Variants in CDON observed in about 807,000 individuals in gnomAD.
CDON encodes the protein cell adhesion molecule-related/down-regulated by oncogenes.
Under a neutral mutation model 120.9 loss-of-function variants are expected in CDON, and 73 were observed. That is an observed-to-expected ratio of 0.60 (90% CI 0.50 to 0.73). The LOEUF is 0.73. Among genes scored for constraint, CDON ranks in the 30% least tolerant of loss-of-function variants. The pLI is 0.00. For synonymous variants in CDON, 566 were observed against 573.5 expected (o/e 0.99, Z 0.19); for missense variants, 1,470 against 1,587.3 (o/e 0.93, Z 1.26).
intron 18 of CDON, among the ~76,000 whole-genome samples, chr11:125,967,061 C>T (rs1002122095): frequency 1.3e-5 from 2 of 148,998 alleles, no homozygotes; most frequent in South Asian, 2.1e-4. Flanking sequence ...GAATGAGTAG[C>T]AACAAAAAAA....
At chr11:125,973,187 T>C (rs1946054807) in intron 18 of CDON, among the ~76,000 whole-genome samples, 1 of 152,084 alleles carries the variant, frequency 6.6e-6, no homozygotes, top group South Asian at 2.1e-4. Flanking sequence ...CCAGGTATCC[T>C]CTCCTGCCCC....
At position 126,018,330 on chromosome 11, in the gene CDON, G is replaced by A. The variant is rs761798261; in HGVS notation, c.640C>T (p.Arg214Cys). 3.1e-5 allele frequency: 50 copies of A among 1,613,100 alleles called. No individual in the cohort carries two copies. The highest frequency in any genetic ancestry group is 5.3e-5 in the African/African-American group (4 of 74,874). Reference sequence around the variant, plus strand: ...TACCATTATTCTCCCAAATACTTACGACTCACAAGGAGCTTTCGGCCAATA... The same window carrying A: ...TACCATTATTCTCCCAAATACTTACAACTCACAAGGAGCTTTCGGCCAATA... Reference protein sequence around the residue: ...EPIGRKLLVSRPSSDDVHILH... With the variant: ...EPIGRKLLVSCPSSDDVHILH... Residue 214 changes from arginine (R) to cysteine (C), a missense_variant and splice_region_variant, in exon 5 of 20, where the codon CGT (arginine) becomes TGT (cysteine). Physicochemically the swap from Arg to Cys is radical, Grantham distance 180. Coordinates refer to ENST00000531738, the MANE Select transcript of CDON (RefSeq NM_001378964.1).
chr11:126,053,213 C>T (rs548133863), intron 1 of CDON, among the ~76,000 whole-genome samples: 4 of 152,242 alleles, frequency 2.6e-5, no homozygotes, highest in South Asian at 2.1e-4. Flanking sequence ...TTTAAAAAGG[C>T]GATCACACAG....
In CDON at chr11:125,958,565, A is replaced by ATGTGCG. The variant is rs1555111502; in HGVS notation, c.*2376_*2377insCGCACA. 2 of 130,084 alleles carry ATGTGCG rather than the reference A, an allele frequency of 1.5e-5. No homozygotes were observed. Among genetic ancestry groups the ATGTGCG allele is most frequent in the Non-Finnish European group, 3.2e-5 (2 of 62,376 alleles). 8.1% of individuals were successfully genotyped at this position (130,084 alleles called of 1,614,324 possible). The stretch of plus-strand genomic sequence containing the variant: ...AAGGCAATTATATATATATATATAT[A>ATGTGCG]TGTGTGTGTGTGTGTGTGTGTGTGT... On this transcript the variant is annotated 3_prime_UTR_variant, in exon 20 of 20. Coordinates refer to ENST00000531738, the MANE Select transcript of CDON (RefSeq NM_001378964.1).
chr11:126,012,446 G>A (rs1001979731), intron 7 of CDON, among the ~76,000 whole-genome samples: 13 of 151,906 alleles, frequency 8.6e-5, no homozygotes, highest in African/African-American at 3.1e-4. Context: ...CTGTCGCCCA[G>A]GCCGGAGTGC....
chr11:125,965,600 A>T (rs900654360), intron 18 of CDON, among the ~76,000 whole-genome samples: 3 of 152,282 alleles, frequency 2.0e-5, no homozygotes, highest in Admixed American at 6.5e-5. Flanking sequence ...GGCCCAGTAA[A>T]CACCCTAGGC....
chr11:126,023,676 A>G, intron 1 of CDON, 139 bp from the exon 2 acceptor site: 1 of 629,214 alleles, frequency 1.6e-6, no homozygotes, highest in East Asian at 2.7e-5. Context: ...AATTATCCAG[A>G]TCTTCCCAAT....
At chr11:126,014,970 G>C (rs1162063012) in intron 7 of CDON, 2 of 459,234 alleles carry the variant, frequency 4.4e-6, no homozygotes. Flanking sequence ...TAGGGAATAA[G>C]AGTAAGAGAG....
intron 1 of CDON, among the ~76,000 whole-genome samples, chr11:126,031,946 C>T (rs1336628362): frequency 2.0e-5 from 3 of 152,120 alleles, no homozygotes; most frequent in Non-Finnish European, 4.4e-5. Flanking sequence ...GATTTATTTA[C>T]TTTTAAAGTA....
At chr11:125,968,438 C>T (rs931327128) in intron 18 of CDON, among the ~76,000 whole-genome samples, 3 of 152,100 alleles carry the variant, frequency 2.0e-5, no homozygotes, top group African/African-American at 7.2e-5. Flanking sequence ...ACTGGAGGAG[C>T]GGGCGAGACA....
chr11:126,013,395 C>T (rs912281189), intron 7 of CDON, among the ~76,000 whole-genome samples: 2 of 152,152 alleles, frequency 1.3e-5, no homozygotes, highest in Non-Finnish European at 2.9e-5. Flanking sequence ...AATGGTCTAT[C>T]ACTTCGAAGT....
chr11:126,059,346 G>A (rs1410237204), intron 1 of CDON, among the ~76,000 whole-genome samples: 1 of 152,324 alleles, frequency 6.6e-6, no homozygotes, highest in Non-Finnish European at 1.5e-5. Context: ...AGTCCTGCTT[G>A]TAATAAAGTC....
chr11:126,023,560 A>C, intron 1 of CDON, 23 bp from the exon 2 acceptor site: 1 of 996,002 alleles, frequency 1.0e-6, no homozygotes, highest in Non-Finnish European at 1.6e-6. Context: ...AAGGAAAGAA[A>C]ATCTAAACCA....
intron 18 of CDON, among the ~76,000 whole-genome samples, chr11:125,971,973 C>T (rs188536388): frequency 1.1e-4 from 16 of 152,276 alleles, no homozygotes; most frequent in African/African-American, 3.6e-4. Context: ...AGAAAGCTTT[C>T]GATGTTTTTT....
chr11:125,989,844 C>G (rs1591359993), intron 14 of CDON, 85 bp from the exon 15 acceptor site: 2 of 1,318,264 alleles, frequency 1.5e-6, no homozygotes, highest in East Asian at 2.6e-5. Flanking sequence ...CAGGATGAGG[C>G]TGGAGCAGCA....
chr11:126,041,553 T>C lies in CDON; in HGVS notation c.-61-18016A>G, dbSNP rs775373843. Among the ~76,000 whole-genome samples the C allele has an allele frequency of 6.6e-5, 10 of 152,326 alleles. 1 individual carries two copies. The highest frequency in any genetic ancestry group is 2.0e-4 in the Admixed American group (3 of 15,302). On this transcript the variant is annotated intron_variant, in intron 1 of 19. Transcript: ENST00000531738. ...CTTCTGTATAGTCAAAATCACGTAA[T>C]AGCAAACTATGTTAAAACAAAATTC...
chr11:125,967,947 C>G (rs573425707), intron 18 of CDON, among the ~76,000 whole-genome samples: 1 of 152,284 alleles, frequency 6.6e-6, no homozygotes, highest in South Asian at 2.1e-4. Context: ...GTCTTGAACT[C>G]CTAGGCTCAG....
intron 1 of CDON, among the ~76,000 whole-genome samples, chr11:126,045,828 G>A (rs1948392458): frequency 6.6e-6 from 1 of 152,034 alleles, no homozygotes. Context: ...AAATTAGCCG[G>A]GCGTGGTGGC....
intron 12 of CDON, among the ~76,000 whole-genome samples, chr11:125,996,848 T>TTA (rs1358517350): frequency 6.6e-6 from 1 of 151,990 alleles, no homozygotes. Context: ...CGTGAATACT[T>TTA]TAACAATTCG....
Sources: gnomAD v4.1 joint callset for allele counts (sites outside exome capture counted in the v4.1 genomes callset) on GRCh38, gnomAD v4.1.1 for gene constraint, MANE v1.5 for transcripts, NCBI Gene and HGNC (gene_info 2026-07-23, HGNC 2026-07-21) for gene names.